RGPD2: variants seen among roughly 807,000 people sequenced by gnomAD.
RGPD2 encodes the protein RANBP2-like and GRIP domain-containing protein 2.
In RGPD2, 2 loss-of-function variants were observed where a neutral mutation model predicts 36.0. The observed-to-expected ratio is 0.06, with a 90% CI of 0.02 to 0.17. The LOEUF (loss-of-function observed/expected upper bound fraction) is 0.17, where lower values mean the gene tolerates loss of function less well. Ranked by LOEUF, RGPD2 falls within the 10% of genes least tolerant of loss-of-function variation. The pLI is 1.00. For missense variants in RGPD2, 40 were observed against 464.3 expected (o/e 0.09, Z 8.40); for synonymous variants, 19 against 163.8 (o/e 0.12, Z 6.75).
At chr2:87,972,578 A>G in the RGPD2 span, 1 of 871,960 alleles carries the variant, frequency 1.1e-6, no homozygotes, top group Non-Finnish European at 1.7e-6. Context: ...GGACCATGGC[A>G]GTGGCAGCAG....
chr2:87,781,045 C>A, intron 20 of RGPD2: 2 of 33,378 alleles, frequency 6.0e-5, no homozygotes, highest in South Asian at 3.2e-4. Flanking sequence ...CTTTAACATT[C>A]ATGTTGTAGT....
chr2:87,843,872 C>T, the RGPD2 span, among the ~76,000 whole-genome samples: 3 of 151,572 alleles, frequency 2.0e-5, no homozygotes, highest in Non-Finnish European at 3.0e-5. Context: ...CCATGGAATA[C>T]TATGCAGCCA....
the RGPD2 span, among the ~76,000 whole-genome samples, chr2:87,879,400 T>C: frequency 6.6e-6 from 1 of 151,942 alleles, no homozygotes; most frequent in Non-Finnish European, 1.5e-5. Flanking sequence ...TCATTCTTTC[T>C]ATTTTTTTTT....
At chr2:87,806,037 C>T (rs1387897123) in intron 7 of RGPD2, among the ~76,000 whole-genome samples, 2 of 151,324 alleles carry the variant, frequency 1.3e-5, no homozygotes, top group African/African-American at 4.8e-5. Flanking sequence ...GTAGCACGGG[C>T]CTGTAGTGCC....
the RGPD2 span, among the ~76,000 whole-genome samples, chr2:87,831,188 T>C: frequency 2.0e-5 from 3 of 152,116 alleles, no homozygotes; most frequent in African/African-American, 7.2e-5. Flanking sequence ...ATATAAAATA[T>C]GTTTAACAGC....
the RGPD2 span, among the ~76,000 whole-genome samples, chr2:87,947,380 G>C: frequency 3.9e-5 from 6 of 152,410 alleles, no homozygotes; most frequent in East Asian, 1.2e-3. Flanking sequence ...TGAGAGGAGG[G>C]GCCAGCTGGA....
At chr2:87,824,742 GGCC>G (rs1329887497) in intron 1 of RGPD2, among the ~76,000 whole-genome samples, 9 of 87,728 alleles carry the variant, frequency 1.0e-4, no homozygotes, top group Admixed American at 5.8e-4. Flanking sequence ...GCCAGGCCGA[GGCC>G]GCCGCCGCCG....
the RGPD2 span, among the ~76,000 whole-genome samples, chr2:87,902,529 G>T: frequency 6.8e-6 from 1 of 146,692 alleles, no homozygotes; most frequent in African/African-American, 2.5e-5. Flanking sequence ...CAGAAAAAAA[G>T]ATACTAAGTA....
At chr2:87,941,117 A>AG in the RGPD2 span, among the ~76,000 whole-genome samples, 181 of 151,738 alleles carry the variant, frequency 1.2e-3, no homozygotes, top group African/African-American at 4.1e-3. Flanking sequence ...TTCAAATATG[A>AG]GGGGGAAAGT....
chr2:87,860,700 T>C, the RGPD2 span, among the ~76,000 whole-genome samples: 1 of 152,170 alleles, frequency 6.6e-6, no homozygotes, highest in African/African-American at 2.4e-5. Flanking sequence ...ATGTAATATA[T>C]GTGTAATGTG....
chr2:87,975,944 A>T, the RGPD2 span, among the ~76,000 whole-genome samples: 5 of 152,070 alleles, frequency 3.3e-5, no homozygotes, highest in African/African-American at 9.7e-5. Flanking sequence ...CAGAGAGGAA[A>T]CACTGCAAGT....
At chr2:87,919,834 G>A in the RGPD2 span, among the ~76,000 whole-genome samples, 1 of 150,804 alleles carries the variant, frequency 6.6e-6, no homozygotes, top group Non-Finnish European at 1.5e-5. Context: ...AGCAATTTTT[G>A]AAAATTGTGG....
chr2:87,910,347 T>C, the RGPD2 span, among the ~76,000 whole-genome samples: 28,513 of 144,968 alleles, frequency 0.2, 479 homozygotes, highest in Non-Finnish European at 0.22. Context: ...CATGGAGAAA[T>C]CCAAATTCTT....
the RGPD2 span, among the ~76,000 whole-genome samples, chr2:87,852,797 C>T: frequency 6.6e-6 from 1 of 152,304 alleles, no homozygotes; most frequent in South Asian, 2.1e-4. Context: ...TTTTCCCTAA[C>T]TATTTTATTT....
the RGPD2 span, among the ~76,000 whole-genome samples, chr2:87,835,329 CA>C: frequency 7.0e-6 from 1 of 142,242 alleles, no homozygotes; most frequent in East Asian, 2.1e-4. Flanking sequence ...TCTCAGTGTT[CA>C]AAAAAATCCG....
At chr2:87,857,503 T>C in the RGPD2 span, among the ~76,000 whole-genome samples, 19,694 of 126,418 alleles carry the variant, frequency 0.16, no homozygotes, top group Non-Finnish European at 0.22. Flanking sequence ...CCTCCACGCC[T>C]GGCTAATTTT....
the RGPD2 span, among the ~76,000 whole-genome samples, chr2:87,964,911 G>A: frequency 6.7e-6 from 1 of 150,298 alleles, no homozygotes; most frequent in South Asian, 2.1e-4. Context: ...TGCCTACTCT[G>A]ATCTTTACCC....
intron 1 of RGPD2, among the ~76,000 whole-genome samples, chr2:87,825,373 G>GGCCGCCGCCGCC (rs1170265171): frequency 7.4e-6 from 1 of 135,758 alleles, no homozygotes; most frequent in African/African-American, 2.9e-5. Flanking sequence ...CCTACGCCGA[G>GGCCGCCGCCGCC]GCCGCCGCCG....
intron 1 of RGPD2, among the ~76,000 whole-genome samples, chr2:87,822,368 T>C (rs1395234986): frequency 1.3e-4 from 19 of 149,632 alleles, no homozygotes; most frequent in Admixed American, 4.7e-4. Context: ...GTTTCCCAAT[T>C]GAAAGGACAC....
Sources: allele counts gnomAD v4.1 joint callset (sites outside exome capture counted in the v4.1 genomes callset), GRCh38; gene constraint gnomAD v4.1.1; transcripts MANE v1.5; gene names NCBI Gene and HGNC (gene_info 2026-07-23, HGNC 2026-07-21).